Variants in TMEM117 observed in about 807,000 individuals in gnomAD.
TMEM117 encodes the protein transmembrane protein 117.
TMEM117 carries 27 observed loss-of-function variants against 52.4 expected under a neutral mutation model. The observed-to-expected ratio is 0.51, with a 90% CI of 0.38 to 0.71. The LOEUF (loss-of-function observed/expected upper bound fraction) is 0.71. Ranked by LOEUF, TMEM117 falls within the 30% of genes least tolerant of loss-of-function variation. The pLI is 0.00. For synonymous variants in TMEM117, 215 were observed against 206.3 expected (o/e 1.04, Z -0.36); for missense variants, 556 against 630.5 (o/e 0.88, Z 1.26).
chr12:44,209,568 T>C (rs1949618282), intron 4 of TMEM117, among the ~76,000 whole-genome samples: 1 of 152,154 alleles, frequency 6.6e-6, no homozygotes, highest in African/African-American at 2.4e-5. Context: ...TGAAAGTTTA[T>C]ATTAAAACCA....
intron 3 of TMEM117, among the ~76,000 whole-genome samples, chr12:43,998,813 G>A (rs1188242161): frequency 6.6e-6 from 1 of 152,162 alleles, no homozygotes; most frequent in Non-Finnish European, 1.5e-5. Context: ...GATATTTGCA[G>A]TATATGTATC....
intron 3 of TMEM117, among the ~76,000 whole-genome samples, chr12:44,007,027 A>G (rs961423730): frequency 1.3e-5 from 2 of 152,194 alleles, no homozygotes; most frequent in Non-Finnish European, 2.9e-5. Flanking sequence ...TACATTTACA[A>G]GTAATACAAG....
intron 3 of TMEM117, among the ~76,000 whole-genome samples, chr12:44,123,569 A>G (rs1948272970): frequency 6.6e-6 from 1 of 152,054 alleles, no homozygotes; most frequent in South Asian, 2.1e-4. Flanking sequence ...TCTTGAGTTG[A>G]TTTTTGTATA....
In TMEM117 at chr12:44,213,143, G is replaced by A. The variant is rs191108789; in HGVS notation, c.608+1756G>A. ...TATAAGAAATATTTATTGATAGTAT[G>A]TTTTGCTTGAGGCAGCAGGCCAAAG... On this transcript the variant is annotated intron_variant, in intron 5 of 7. Transcript: ENST00000266534. 1.1e-3 allele frequency among the ~76,000 whole-genome samples: 163 copies of A among 152,184 alleles called. 1 individual carries two copies. Among genetic ancestry groups the A allele is most frequent in the African/African-American group, 3.7e-3 (152 of 41,548 alleles).
rs114521410 is a variant in TMEM117 at position 44,291,871 on chromosome 12, T to A, written c.609-7709T>A. ...TTGATCATGGTATTCTTTTAAAGTG[T>A]TATTAATTTGGTTTGATTACATTTT... is the stretch of plus-strand genomic sequence containing the variant. On this transcript the variant is annotated intron_variant, in intron 5 of 7. Coordinates refer to ENST00000266534, the MANE Select transcript of TMEM117 (RefSeq NM_032256.3). Among the ~76,000 whole-genome samples, 488 of 152,132 alleles carry A rather than the reference T, an allele frequency of 3.2e-3. 6 individuals carry two copies. The highest frequency in any genetic ancestry group is 0.01 in the African/African-American group (435 of 41,554).
At chr12:43,873,771 T>C (rs1943745809) in intron 2 of TMEM117, among the ~76,000 whole-genome samples, 1 of 151,978 alleles carries the variant, frequency 6.6e-6, no homozygotes, top group South Asian at 2.1e-4. Context: ...TCTGAGAGCC[T>C]TTTACCAAGA....
intron 5 of TMEM117, among the ~76,000 whole-genome samples, chr12:44,215,566 C>A (rs1374505118): frequency 6.6e-6 from 1 of 152,168 alleles, no homozygotes; most frequent in Admixed American, 6.5e-5. Flanking sequence ...ACCATTTTCA[C>A]TGACTTGTGT....
chr12:44,097,662 C>T (rs1947791479), intron 3 of TMEM117, among the ~76,000 whole-genome samples: 1 of 143,148 alleles, frequency 7.0e-6, no homozygotes, highest in African/African-American at 2.6e-5. Context: ...GGGAATTGAA[C>T]AACGAGAACA....
intron 3 of TMEM117, among the ~76,000 whole-genome samples, chr12:44,092,446 A>G (rs1476900619): frequency 6.6e-6 from 1 of 152,146 alleles, no homozygotes; most frequent in Admixed American, 6.5e-5. Context: ...AGTGCAGTGC[A>G]GTGAGATCAT....
chr12:44,064,135 C>A (rs1947185345), intron 3 of TMEM117, among the ~76,000 whole-genome samples: 1 of 151,844 alleles, frequency 6.6e-6, no homozygotes, highest in African/African-American at 2.4e-5. Flanking sequence ...AGATGATTCC[C>A]TAAAAAGAGA....
chr12:44,311,676 A>T lies in TMEM117; in HGVS notation c.768+11937A>T, dbSNP rs1021165824. Among the ~76,000 whole-genome samples the T allele has an allele frequency of 4.0e-5, 6 of 149,620 alleles. 1 individual carries two copies. The South Asian group carries it at 8.4e-4, about 21-fold the overall frequency. On this transcript the variant is annotated intron_variant, in intron 6 of 7. Transcript: ENST00000266534. ...TATTATACATAATGTTACATCTTAC[A>T]TCCAGCTTCAGCTTCCCAATAAATT... is the stretch of plus-strand genomic sequence containing the variant.
intron 3 of TMEM117, among the ~76,000 whole-genome samples, chr12:44,131,165 C>A (rs1820192880): frequency 1.3e-5 from 2 of 152,038 alleles, no homozygotes; most frequent in Non-Finnish European, 2.9e-5. Flanking sequence ...AAAGTTTAAG[C>A]ATGGTGTTAG....
chr12:44,023,351 G>T (rs1313103782), intron 3 of TMEM117, among the ~76,000 whole-genome samples: 1 of 152,120 alleles, frequency 6.6e-6, no homozygotes, highest in Non-Finnish European at 1.5e-5. Flanking sequence ...GTAATGGGAT[G>T]GCTGGGTCAA....
intron 2 of TMEM117, among the ~76,000 whole-genome samples, chr12:43,855,781 G>A (rs1943389955): frequency 2.0e-5 from 3 of 152,108 alleles, no homozygotes; most frequent in Admixed American, 2.0e-4. Context: ...ATGCCTGTTT[G>A]TCTTCTATTT....
At chr12:44,032,443 A>T (rs116391034) in intron 3 of TMEM117, among the ~76,000 whole-genome samples, 1,779 of 152,346 alleles carry the variant, frequency 0.012, 26 homozygotes, top group African/African-American at 0.04. Flanking sequence ...CTCAAAAGAA[A>T]CAAGAGAGAT....
At chr12:44,211,171 G>T (rs1565596341) in intron 4 of TMEM117, 119 bp from the exon 5 acceptor site, 3 of 713,752 alleles carry the variant, frequency 4.2e-6, no homozygotes, top group Non-Finnish European at 7.0e-6. Flanking sequence ...TTCTGCATAT[G>T]TTATAATGTT....
intron 5 of TMEM117, among the ~76,000 whole-genome samples, chr12:44,224,392 C>G (rs1226856294): frequency 6.6e-6 from 1 of 152,140 alleles, no homozygotes; most frequent in Non-Finnish European, 1.5e-5. Flanking sequence ...ACTTAATCTG[C>G]AGATTCATTG....
At chr12:44,174,884 G>A (rs948603463) in intron 4 of TMEM117, among the ~76,000 whole-genome samples, 9 of 152,206 alleles carry the variant, frequency 5.9e-5, no homozygotes, top group African/African-American at 9.6e-5. Flanking sequence ...AATGAAACTT[G>A]GCCAGCAGGT....
At chr12:44,341,912 G>C (rs533914575) in intron 6 of TMEM117, among the ~76,000 whole-genome samples, 1 of 152,126 alleles carries the variant, frequency 6.6e-6, no homozygotes, top group Non-Finnish European at 1.5e-5. Context: ...AGAGGCTGAC[G>C]TGGCAAGTGA....
Sources: allele counts gnomAD v4.1 joint callset (sites outside exome capture counted in the v4.1 genomes callset), GRCh38; gene constraint gnomAD v4.1.1; transcripts MANE v1.5; gene names NCBI Gene and HGNC (gene_info 2026-07-23, HGNC 2026-07-21).